The following HNRNPC variants were observed in gnomAD, a reference collection of about 807,000 sequenced individuals.
HNRNPC encodes the protein heterogeneous nuclear ribonucleoprotein C, also known as heterogeneous nuclear ribonucleoproteins C1/C2.
Under a neutral mutation model 33.2 loss-of-function variants are expected in HNRNPC, and 3 were observed. The ratio of observed to expected loss-of-function variants is 0.09; its 90% confidence interval spans 0.04 to 0.23. HNRNPC has a LOEUF of 0.23. Among genes scored for constraint, HNRNPC ranks in the 10% least tolerant of loss-of-function variants. The pLI is 1.00. For missense variants in HNRNPC, 143 were observed against 366.7 expected (o/e 0.39, Z 4.98); for synonymous variants, 121 against 126.7 (o/e 0.96, Z 0.30).
chr14:21,262,311 AAT>A (rs762753221), intron 2 of HNRNPC, among the ~76,000 whole-genome samples: 56 of 152,374 alleles, frequency 3.7e-4, no homozygotes, highest in African/African-American at 9.9e-4. Context: ...GGGACTCCCC[AAT>A]ATGTTTTCTT....
intron 2 of HNRNPC, among the ~76,000 whole-genome samples, chr14:21,261,938 A>T (rs1381337928): frequency 6.6e-6 from 1 of 152,176 alleles, no homozygotes; most frequent in African/African-American, 2.4e-5. Flanking sequence ...TAACATCAGA[A>T]CACATTAGAG....
rs1214568995 is a variant in HNRNPC, at chr14:21,210,335, A to C, written c.*888T>G. 2 of 152,266 alleles carry C rather than the reference A, an allele frequency of 1.3e-5. No homozygotes were observed. Among genetic ancestry groups the C allele is most frequent in the African/African-American group, 4.8e-5 (2 of 41,434 alleles). 9.4% of individuals were successfully genotyped at this position (152,266 alleles called of 1,614,324 possible). On this transcript the variant is annotated 3_prime_UTR_variant, in exon 9 of 9. Coordinates refer to ENST00000553300, the MANE Select transcript of HNRNPC (RefSeq NM_004500.4). ...AAACTTTCATTAGGATGTAAAAGCC[A>C]TTTTGAAAAAGTCTCCACTCTATGT...
chr14:21,256,322 G>C (rs10142669), intron 2 of HNRNPC, among the ~76,000 whole-genome samples: 2,450 of 152,088 alleles, frequency 0.016, 33 homozygotes, highest in Middle Eastern at 0.078. Context: ...GGTGGCTGGT[G>C]CCTGTAATCC....
chr14:21,253,045 G>A (rs1409398633), intron 2 of HNRNPC, among the ~76,000 whole-genome samples: 2 of 150,950 alleles, frequency 1.3e-5, no homozygotes, highest in Non-Finnish European at 1.5e-5. Flanking sequence ...GTGGTGGAGC[G>A]TAACTGTAAT....
At chr14:21,264,698 A>G (rs999075816) in intron 1 of HNRNPC, 1 of 152,204 alleles carries the variant, frequency 6.6e-6, no homozygotes, top group African/African-American at 2.4e-5. Flanking sequence ...CAATTTAGCC[A>G]TGAGGTCTTA....
chr14:21,218,586 G>A (rs1892465537), intron 5 of HNRNPC, among the ~76,000 whole-genome samples: 1 of 147,464 alleles, frequency 6.8e-6, no homozygotes, highest in African/African-American at 2.5e-5. Context: ...TACTCAGGAG[G>A]CTGAGGCACT....
chr14:21,226,878 C>CAA (rs71419112), intron 5 of HNRNPC, among the ~76,000 whole-genome samples: 1,209 of 38,754 alleles, frequency 0.031, 52 homozygotes, highest in East Asian at 0.11. Context: ...GACTCCATCT[C>CAA]AAAAAAAAAA....
At chr14:21,260,960 CAAAAAA>C (rs71112564) in intron 2 of HNRNPC, among the ~76,000 whole-genome samples, 1 of 88,520 alleles carries the variant, frequency 1.1e-5, no homozygotes, top group Non-Finnish European at 2.3e-5. Flanking sequence ...GAGACTGTCT[CAAAAAA>C]AAAAAAAAAA....
intron 5 of HNRNPC, among the ~76,000 whole-genome samples, chr14:21,214,771 T>A (rs1206348784): frequency 6.6e-6 from 1 of 152,202 alleles, no homozygotes; most frequent in Non-Finnish European, 1.5e-5. Context: ...ACAGAAACTA[T>A]AAAATATCAG....
At chr14:21,264,690 A>T (rs903473571) in intron 1 of HNRNPC, 2 of 152,204 alleles carry the variant, frequency 1.3e-5, no homozygotes, top group Non-Finnish European at 2.9e-5. Context: ...TCACTGTTCA[A>T]TTTAGCCATG....
intron 5 of HNRNPC, among the ~76,000 whole-genome samples, chr14:21,224,829 TGAAGATTTG>T (rs1324437249): frequency 6.6e-6 from 1 of 152,154 alleles, no homozygotes; most frequent in Non-Finnish European, 1.5e-5. Context: ...TGTGAGTTCT[TGAAGATTTG>T]TCTATTTCTA....
intron 2 of HNRNPC, among the ~76,000 whole-genome samples, chr14:21,240,193 T>C (rs1245605230): frequency 2.0e-5 from 3 of 152,126 alleles, no homozygotes; most frequent in African/African-American, 7.2e-5. Flanking sequence ...ATTTCCTGAA[T>C]ATAGAAATTT....
Position 21,210,871 on chromosome 14 carries a change from A to G in HNRNPC, c.*352T>C, listed in dbSNP as rs1485985883. 4 of 248,248 alleles carry G rather than the reference A, an allele frequency of 1.6e-5. No homozygotes were observed. The highest frequency in any genetic ancestry group is 3.1e-5 in the Non-Finnish European group (4 of 127,314). The allele number at this position is 248,248 out of a possible 1,614,324, so 15.4% of individuals were successfully genotyped here. On this transcript the variant is annotated 3_prime_UTR_variant, in exon 9 of 9. Coordinates refer to ENST00000553300, the MANE Select transcript of HNRNPC (RefSeq NM_004500.4). ...TTTGCAGTTAGGGAAGCAACTACTG[A>G]ACTTATGTATGAATGAAAAGAACTG...
intron 2 of HNRNPC, among the ~76,000 whole-genome samples, chr14:21,253,193 C>G (rs1195444132): frequency 6.9e-6 from 1 of 145,876 alleles, no homozygotes; most frequent in African/African-American, 2.5e-5. Flanking sequence ...AAAAAAAAGA[C>G]TGGCCAGGCG....
chr14:21,247,466 TAAG>T (rs1481146329), intron 2 of HNRNPC, among the ~76,000 whole-genome samples: 2 of 152,194 alleles, frequency 1.3e-5, no homozygotes, highest in East Asian at 3.8e-4. Context: ...CAATCTCAAA[TAAG>T]AAGCTGTCCT....
At chr14:21,240,455 A>T (rs1004208510) in intron 2 of HNRNPC, among the ~76,000 whole-genome samples, 1 of 152,256 alleles carries the variant, frequency 6.6e-6, no homozygotes, top group Non-Finnish European at 1.5e-5. Flanking sequence ...AATCTCAAGT[A>T]ATTCAATTCT....
At chr14:21,255,379 A>T (rs1251219014) in intron 2 of HNRNPC, among the ~76,000 whole-genome samples, 2 of 152,138 alleles carry the variant, frequency 1.3e-5, no homozygotes, top group Admixed American at 1.3e-4. Context: ...TCTCTAATTC[A>T]CTCTACCTCT....
chr14:21,212,927 G>A lies in HNRNPC; in HGVS notation c.523+33C>T, dbSNP rs1228723654. On this transcript the variant is annotated intron_variant, in intron 6 of 8. Transcript: ENST00000553300. Reference sequence around the variant, plus strand: ...AGCTTCCCTATCTCAAAACACAAGAGATACCAAAATCACAAAATGAAATAA... The same window carrying A: ...AGCTTCCCTATCTCAAAACACAAGAAATACCAAAATCACAAAATGAAATAA... The A allele has an allele frequency of 3.7e-6, 6 of 1,611,592 alleles. No individual in the cohort carries two copies. The Admixed American group carries it at 8.3e-5, about 22-fold the overall frequency.
At chr14:21,248,167 A>T (rs1202936467) in intron 2 of HNRNPC, among the ~76,000 whole-genome samples, 1 of 152,096 alleles carries the variant, frequency 6.6e-6, no homozygotes, top group East Asian at 1.9e-4. Flanking sequence ...CGTAAGCAAG[A>T]CCTTATCTCC....
Sources: gnomAD v4.1 joint callset for allele counts (sites outside exome capture counted in the v4.1 genomes callset) on GRCh38, gnomAD v4.1.1 for gene constraint, MANE v1.5 for transcripts, NCBI Gene and HGNC (gene_info 2026-07-23, HGNC 2026-07-21) for gene names.